Variants in CDH20 observed in about 807,000 individuals in gnomAD.
CDH20 encodes the protein cadherin 20.
A neutral mutation model predicts 74.2 loss-of-function variants in CDH20; 29 were observed. The observed-to-expected ratio is 0.39, with a 90% CI of 0.29 to 0.53. CDH20 has a LOEUF of 0.53. Ranked by LOEUF, CDH20 falls within the 20% of genes least tolerant of loss-of-function variation. The pLI, the probability that CDH20 is intolerant of heterozygous loss-of-function variation, is 0.69. For synonymous variants in CDH20, 469 were observed against 405.4 expected (o/e 1.16, Z -1.88); for missense variants, 988 against 1,048.3 (o/e 0.94, Z 0.79).
chr18:61,460,244 TA>T (rs1183185693), intron 1 of CDH20, among the ~76,000 whole-genome samples: 11 of 152,188 alleles, frequency 7.2e-5, no homozygotes, highest in Admixed American at 2.6e-4. Context: ...AGAAACTGTT[TA>T]GGGGGGAAAA....
chr18:61,487,794 A>AG (rs1321488907), intron 1 of CDH20, among the ~76,000 whole-genome samples: 2 of 152,130 alleles, frequency 1.3e-5, no homozygotes, highest in African/African-American at 4.8e-5. Context: ...TGCCTCAGGT[A>AG]GGGGGATAGG....
At chr18:61,336,631 A>G (rs1230681358) in intron 1 of CDH20, among the ~76,000 whole-genome samples, 1 of 152,198 alleles carries the variant, frequency 6.6e-6, no homozygotes, top group East Asian at 1.9e-4. Flanking sequence ...ACTTCCCTCT[A>G]CCCATAAACC....
chr18:61,515,784 C>T (rs1482912113), intron 6 of CDH20, among the ~76,000 whole-genome samples: 4 of 96,476 alleles, frequency 4.1e-5, no homozygotes, highest in South Asian at 3.5e-4. Context: ...GTTGTGGGGT[C>T]GGGGGAGGGG....
chr18:61,485,661 G>T (rs1217086105), intron 1 of CDH20, among the ~76,000 whole-genome samples: 1 of 152,166 alleles, frequency 6.6e-6, no homozygotes, highest in Non-Finnish European at 1.5e-5. Context: ...GGAGATCTTA[G>T]ATATTACAAG....
At position 61,507,345 on chromosome 18, in the gene CDH20, G is replaced by T. The variant is rs369579376; in HGVS notation, c.830-28G>T. 9.8e-4 allele frequency: 1,571 copies of T among 1,598,278 alleles called. 1 individual carries two copies. Among genetic ancestry groups the T allele is most frequent in the Non-Finnish European group, 1.3e-3 (1,472 of 1,171,232 alleles). On this transcript the variant is annotated intron_variant, in intron 5 of 11. Transcript: ENST00000262717. ...ATTTTTTATAGTGACGGATTATCAA[G>T]AATGCGTGTCCTGGCTTTTCTTCGT... is the stretch of plus-strand genomic sequence containing the variant.
At chr18:61,495,258 T>A (rs916715701) in intron 2 of CDH20, among the ~76,000 whole-genome samples, 1 of 152,204 alleles carries the variant, frequency 6.6e-6, no homozygotes, top group Non-Finnish European at 1.5e-5. Context: ...GCTGAGTGAC[T>A]TGGAGAAAAG....
rs1910394525 is a variant in CDH20, at chr18:61,353,806, T to C, written c.-153+19979T>C. On this transcript the variant is annotated intron_variant, in intron 1 of 11. Coordinates refer to ENST00000262717, the MANE Select transcript of CDH20 (RefSeq NM_031891.4). This position sits in a 1 kb window ranked among gnomAD's most constrained non-coding sequence, Gnocchi z 4.6. The stretch of plus-strand genomic sequence containing the variant: ...AAAAAAATCTTTCAGTTCCAGCCAG[T>C]CATGGTGGCTCATGCCTGTAATCCC... Among the ~76,000 whole-genome samples, 1 of 152,094 alleles carries C rather than the reference T, an allele frequency of 6.6e-6. No individual in the cohort carries two copies. Among genetic ancestry groups the C allele is most frequent in the African/African-American group, 2.4e-5 (1 of 41,438 alleles).
intron 8 of CDH20, among the ~76,000 whole-genome samples, chr18:61,538,143 C>A (rs576901685): frequency 1.3e-5 from 2 of 152,148 alleles, no homozygotes; most frequent in Non-Finnish European, 1.5e-5. Context: ...AGTCCCTAAG[C>A]AGAAATAAAT....
At chr18:61,435,209 A>T (rs1178944273) in intron 1 of CDH20, among the ~76,000 whole-genome samples, 1 of 152,118 alleles carries the variant, frequency 6.6e-6, no homozygotes, top group African/African-American at 2.4e-5. Flanking sequence ...TCCATCATTT[A>T]CTATCTCCGT....
intron 1 of CDH20, among the ~76,000 whole-genome samples, chr18:61,371,967 T>C (rs1911059012): frequency 6.6e-6 from 1 of 152,126 alleles, no homozygotes; most frequent in Admixed American, 6.6e-5. Context: ...TTTAAGGTTA[T>C]GTTCTTAAAT....
At chr18:61,499,142 C>T (rs1568165163) in intron 2 of CDH20, 44 bp from the exon 3 acceptor site, 1 of 1,427,518 alleles carries the variant, frequency 7.0e-7, no homozygotes, top group South Asian at 1.5e-5. Context: ...TTTTCTGACA[C>T]CTGTTGACAT....
chr18:61,441,091 G>C (rs1323028527), intron 1 of CDH20, among the ~76,000 whole-genome samples: 1 of 152,158 alleles, frequency 6.6e-6, no homozygotes, highest in African/African-American at 2.4e-5. Flanking sequence ...AATTGTTCTT[G>C]ATCTAAGATC....
intron 1 of CDH20, among the ~76,000 whole-genome samples, chr18:61,472,751 T>C (rs1044603869): frequency 1.3e-5 from 2 of 152,224 alleles, no homozygotes; most frequent in Non-Finnish European, 2.9e-5. Flanking sequence ...TTGTAGTCAC[T>C]AGTGCCCGTT....
intron 1 of CDH20, among the ~76,000 whole-genome samples, chr18:61,443,687 G>A (rs904143875): frequency 2.0e-5 from 3 of 152,098 alleles, no homozygotes; most frequent in Non-Finnish European, 4.4e-5. Context: ...TTTCCATAGC[G>A]AGATTTTCTT....
At chr18:61,369,910 C>T (rs1041512467) in intron 1 of CDH20, among the ~76,000 whole-genome samples, 3 of 151,736 alleles carry the variant, frequency 2.0e-5, no homozygotes, top group African/African-American at 4.8e-5. Context: ...TGGGGTCTAA[C>T]GGAGGGTGGA....
At chr18:61,547,043 A>C (rs1293737744) in intron 10 of CDH20, among the ~76,000 whole-genome samples, 1 of 152,168 alleles carries the variant, frequency 6.6e-6, no homozygotes, top group Non-Finnish European at 1.5e-5. Context: ...ATATTTTAAA[A>C]ATTAGCCAGG....
chr18:61,414,724 A>G (rs1912628668), intron 1 of CDH20, among the ~76,000 whole-genome samples: 1 of 152,076 alleles, frequency 6.6e-6, no homozygotes, highest in Admixed American at 6.5e-5. Context: ...TTAAGTTTTA[A>G]TTTGATTAAT....
chr18:61,401,226 C>A (rs1486165050), intron 1 of CDH20, among the ~76,000 whole-genome samples: 2 of 152,198 alleles, frequency 1.3e-5, no homozygotes, highest in Non-Finnish European at 2.9e-5. Context: ...TTCTAATAAG[C>A]TTATTCCAGT....
chr18:61,537,602 G>C (rs987228293), intron 8 of CDH20, among the ~76,000 whole-genome samples: 1 of 152,136 alleles, frequency 6.6e-6, no homozygotes, highest in Admixed American at 6.5e-5. Flanking sequence ...CTGTGTCAGG[G>C]GGAGGGTGTA....
Sources: allele counts gnomAD v4.1 joint callset (sites outside exome capture counted in the v4.1 genomes callset), GRCh38; gene constraint gnomAD v4.1.1; non-coding constraint Gnocchi (gnomAD v3.1); transcripts MANE v1.5; gene names NCBI Gene and HGNC (gene_info 2026-07-23, HGNC 2026-07-21).